NXN: variants seen among roughly 807,000 people sequenced by gnomAD.
The protein encoded by NXN is nucleoredoxin 1.
NXN carries 16 observed loss-of-function variants against 48.6 expected under a neutral mutation model. The observed-to-expected ratio is 0.33, with a 90% CI of 0.22 to 0.50. The LOEUF is 0.50. Ranked by LOEUF, NXN falls within the 20% of genes least tolerant of loss-of-function variation. The pLI is 0.98. For synonymous variants in NXN, 281 were observed against 269.6 expected (o/e 1.04, Z -0.41); for missense variants, 492 against 605.5 (o/e 0.81, Z 1.97).
chr17:915,885 C>CCCTAAA lies in NXN; in HGVS notation c.360+63433_360+63434insTTTAGG, dbSNP rs1468143906. On this transcript the variant is annotated intron_variant, in intron 1 of 7. Transcript: ENST00000336868. ...CTTATGGTGTCAGAGCTGGAACTTC[C>CCCTAAA]AGCTGCTCCCCCTCTCCCAGTTCTT... 5.9e-5 allele frequency among the ~76,000 whole-genome samples: 9 copies of CCCTAAA among 151,696 alleles called. No homozygotes were observed. The East Asian group carries it at 7.8e-4, about 13-fold the overall frequency.
Position 825,356 on chromosome 17 carries a change from G to C in NXN, c.478+605C>G, listed in dbSNP as rs928759045. The stretch of plus-strand genomic sequence containing the variant: ...GCGGGGTTGAATCTTCTCACTGGAC[G>C]GATTAAGTGAGGGGAGGAGATCTCA... On this transcript the variant is annotated intron_variant, in intron 2 of 7. Coordinates refer to ENST00000336868, the MANE Select transcript of NXN (RefSeq NM_022463.5). The surrounding 1 kb of genome is among the most constrained non-coding windows in gnomAD (Gnocchi z 4.1). Among the ~76,000 whole-genome samples, 1 of 152,174 alleles carries C rather than the reference G, an allele frequency of 6.6e-6. No homozygotes were observed. Among genetic ancestry groups the C allele is most frequent in the East Asian group, 1.9e-4 (1 of 5,198 alleles).
chr17:939,893 G>A (rs1455197413), intron 1 of NXN, among the ~76,000 whole-genome samples: 1 of 152,126 alleles, frequency 6.6e-6, no homozygotes, highest in African/African-American at 2.4e-5. Context: ...ACTGTGGCGG[G>A]CCCTGCAGTG....
intron 1 of NXN, among the ~76,000 whole-genome samples, chr17:930,673 G>A (rs1332202903): frequency 2.6e-5 from 4 of 151,998 alleles, no homozygotes; most frequent in Admixed American, 2.0e-4. Context: ...TCCTATTGAA[G>A]GATAAGGAGT....
chr17:953,458 C>G (rs750058687), intron 1 of NXN, among the ~76,000 whole-genome samples: 1 of 152,066 alleles, frequency 6.6e-6, no homozygotes, highest in Non-Finnish European at 1.5e-5. Flanking sequence ...ACAAGCAGGA[C>G]GAGGCACCTC....
intron 1 of NXN, among the ~76,000 whole-genome samples, chr17:961,104 G>C (rs1361992070): frequency 6.6e-6 from 1 of 150,934 alleles, no homozygotes; most frequent in Non-Finnish European, 1.5e-5. Flanking sequence ...ATTTTTAATA[G>C]CTATTCAGGC....
intron 1 of NXN, among the ~76,000 whole-genome samples, chr17:902,284 C>A (rs2068544687): frequency 6.6e-6 from 1 of 152,214 alleles, no homozygotes; most frequent in Non-Finnish European, 1.5e-5. Flanking sequence ...TCTCAGAAAC[C>A]GTTCCGGTAA....
intron 1 of NXN, among the ~76,000 whole-genome samples, chr17:973,828 T>C (rs760802060): frequency 3.3e-5 from 5 of 151,706 alleles, no homozygotes; most frequent in Non-Finnish European, 7.4e-5. Context: ...TACAGGTGTG[T>C]ACCACCACAC....
rs1354770906 is a variant in NXN, at chr17:958,835, G to T, written c.360+20484C>A. 6.6e-6 allele frequency among the ~76,000 whole-genome samples: 1 copy of T among 151,578 alleles called. No individual in the cohort carries two copies. The highest frequency in any genetic ancestry group is 2.4e-5 in the African/African-American group (1 of 41,256). ...TAGTCTCAGCTTCTCAGGGGGCTGA[G>T]GTGGGAGGATCGCTTGAGCCCAGGA... On this transcript the variant is annotated intron_variant, in intron 1 of 7. Coordinates refer to ENST00000336868, the MANE Select transcript of NXN (RefSeq NM_022463.5). This position sits in a 1 kb window ranked among gnomAD's most constrained non-coding sequence, Gnocchi z 6.9.
rs2144569246 is a variant in NXN, at chr17:805,306, G to C, written c.821-59C>G. The C allele has an allele frequency of 2.0e-6, 3 of 1,525,828 alleles. No homozygotes were observed. The Admixed American group carries it at 5.7e-5, about 29-fold the overall frequency. 94.5% of individuals were successfully genotyped at this position (1,525,828 alleles called of 1,614,324 possible). A position where few individuals can be genotyped will look rare whatever the true frequency, so the allele number is the denominator to read the frequency against. ...CGGGAGATGCTGGCCCTGCCTGGCA[G>C]GAGGCTCGCGGGGTCCAGCCCGGGG... On this transcript the variant is annotated intron_variant, in intron 5 of 7. Coordinates refer to ENST00000336868, the MANE Select transcript of NXN (RefSeq NM_022463.5).
At chr17:893,997 CT>C (rs1356773570) in intron 1 of NXN, among the ~76,000 whole-genome samples, 3 of 101,500 alleles carry the variant, frequency 3.0e-5, no homozygotes, top group South Asian at 4.4e-4. Flanking sequence ...TCTCAACTCC[CT>C]GGAAGCCAGA....
intron 1 of NXN, among the ~76,000 whole-genome samples, chr17:908,870 G>A (rs746162564): frequency 1.3e-5 from 2 of 152,092 alleles, no homozygotes; most frequent in African/African-American, 4.8e-5. Flanking sequence ...TTGGGAGGCC[G>A]AGGCAGGCAG....
chr17:811,195 G>A (rs1911975413), intron 5 of NXN, among the ~76,000 whole-genome samples: 1 of 152,126 alleles, frequency 6.6e-6, no homozygotes, highest in South Asian at 2.1e-4. Flanking sequence ...GGAGCAAAGG[G>A]CCCTCACCCC....
intron 1 of NXN, chr17:910,048 C>G (rs1386955421): frequency 6.6e-6 from 1 of 152,226 alleles, no homozygotes; most frequent in Non-Finnish European, 1.5e-5. Context: ...CTTAAATCTC[C>G]TAAAAGCTCC....
intron 1 of NXN, chr17:864,046 G>C: frequency 1.4e-6 from 2 of 1,444,376 alleles, no homozygotes; most frequent in Non-Finnish European, 9.0e-7. Context: ...GGACACGTCT[G>C]CCATTGCTCG....
chr17:841,431 CGGGCGAGCAGGT>C (rs1567827449), intron 1 of NXN, among the ~76,000 whole-genome samples: 2,634 of 122,534 alleles, frequency 0.021, 305 homozygotes, highest in East Asian at 0.052. Flanking sequence ...GCATCTCACA[CGGGCGAGCAGGT>C]CCCCCTGACC....
Position 913,595 on chromosome 17 carries a change from C to T in NXN, c.360+65724G>A, listed in dbSNP as rs147627478. 3.3e-3 allele frequency among the ~76,000 whole-genome samples: 506 copies of T among 151,756 alleles called. 2 individuals carry two copies. The highest frequency in any genetic ancestry group is 0.011 in the African/African-American group (458 of 41,146). On this transcript the variant is annotated intron_variant, in intron 1 of 7. Coordinates refer to ENST00000336868, the MANE Select transcript of NXN (RefSeq NM_022463.5). ...AAAGAGGATAAGGAGGCAGGTTCTC[C>T]ACCTACCCCCACGTCCCCAGGCAAT...
At position 932,122 on chromosome 17, in the gene NXN, C is replaced by CA. The variant is rs2150597849; in HGVS notation, c.360+47196dup. 6.6e-6 allele frequency among the ~76,000 whole-genome samples: 1 copy of CA among 152,228 alleles called. No individual in the cohort carries two copies. The highest frequency in any genetic ancestry group is 2.4e-5 in the African/African-American group (1 of 41,532). ...TTGCACCACTGCACTCCAGCCTGGG[C>CA]AATAGAGCAAGACCCTATCTCAAAA... is the stretch of plus-strand genomic sequence containing the variant. On this transcript the variant is annotated intron_variant, in intron 1 of 7. Transcript: ENST00000336868. This position sits in a 1 kb window ranked among gnomAD's most constrained non-coding sequence, Gnocchi z 4.1.
chr17:889,741 A>C (rs2068392365), intron 1 of NXN, among the ~76,000 whole-genome samples: 1 of 72,056 alleles, frequency 1.4e-5, no homozygotes. Context: ...GAAAGAAAGA[A>C]AGAAAGAAAG....
intron 1 of NXN, among the ~76,000 whole-genome samples, chr17:850,843 G>A (rs891405682): frequency 1.3e-5 from 2 of 152,122 alleles, no homozygotes; most frequent in African/African-American, 4.8e-5. Flanking sequence ...GACACTCCCC[G>A]GCCAGGTGTG....
Sources: allele counts gnomAD v4.1 joint callset (sites outside exome capture counted in the v4.1 genomes callset), GRCh38; gene constraint gnomAD v4.1.1; non-coding constraint Gnocchi (gnomAD v3.1); transcripts MANE v1.5; gene names NCBI Gene and HGNC (gene_info 2026-07-23, HGNC 2026-07-21).